The following MYO5C variants were observed in gnomAD, a reference collection of about 807,000 sequenced individuals.
MYO5C encodes the protein myosin VC.
In MYO5C, 194 loss-of-function variants were observed where a neutral mutation model predicts 235.7. That is an observed-to-expected ratio of 0.82 (90% CI 0.73 to 0.93). MYO5C has a LOEUF of 0.93. MYO5C is among the 40% of genes least tolerant of loss of function. The pLI is 0.00. For missense variants in MYO5C, 2,038 were observed against 2,127.2 expected, an observed-to-expected ratio of 0.96 and a Z score of 0.82; for synonymous variants, 707 against 754.8, an observed-to-expected ratio of 0.94 and a Z score of 1.04.
rs1348219223 is a variant in MYO5C, at chr15:52,205,759, T to C, written c.4537+57A>G. The C allele has an allele frequency of 4.3e-6, 5 of 1,156,464 alleles. No homozygotes were observed. The Admixed American group carries it at 1.2e-4, about 28-fold the overall frequency. 71.6% of individuals were successfully genotyped at this position (1,156,464 alleles called of 1,614,324 possible). A position where few individuals can be genotyped will look rare whatever the true frequency, so the allele number is the denominator to read the frequency against. ...ACACATTACACATACCAAGTTTATG[T>C]TTTAAAAAGTCTTAATGTTACTATA... On this transcript the variant is annotated intron_variant, in intron 37 of 40. Transcript: ENST00000261839.
intron 8 of MYO5C, among the ~76,000 whole-genome samples, chr15:52,267,830 G>A (rs550434136): frequency 1.3e-5 from 2 of 152,192 alleles, no homozygotes; most frequent in South Asian, 4.2e-4. Flanking sequence ...AGGTGGGAGA[G>A]AGTAGAAGGA....
rs115408928 is a variant in MYO5C, at chr15:52,209,000, A to C, written c.4297-357T>G. On this transcript the variant is annotated intron_variant, in intron 35 of 40. Coordinates refer to ENST00000261839, the MANE Select transcript of MYO5C (RefSeq NM_018728.4). ...CCATACGATGGCTGTAGACTGTGCT[A>C]CCAAAGCTCAGAGGACGAGGAGAGA... Among the ~76,000 whole-genome samples, 229 of 152,284 alleles carry C rather than the reference A, an allele frequency of 1.5e-3. 1 individual carries two copies. The highest frequency in any genetic ancestry group is 5.5e-3 in the African/African-American group (228 of 41,566).
chr15:52,292,956 G>C (rs755399974), intron 1 of MYO5C, among the ~76,000 whole-genome samples: 2 of 152,246 alleles, frequency 1.3e-5, no homozygotes, highest in Non-Finnish European at 2.9e-5. Context: ...GGTAAGAGCA[G>C]GAAGGCAGGG....
At chr15:52,214,742 T>A in intron 32 of MYO5C, 52 bp from the exon 33 acceptor site, 3 of 1,000,510 alleles carry the variant, frequency 3.0e-6, no homozygotes, top group African/African-American at 1.7e-5. Flanking sequence ...TTTAATCTAT[T>A]TTTTTTTTTT....
chr15:52,260,288 C>T lies in MYO5C; in HGVS notation c.1313+574G>A, dbSNP rs373869194. On this transcript the variant is annotated intron_variant, in intron 10 of 40. Coordinates refer to ENST00000261839, the MANE Select transcript of MYO5C (RefSeq NM_018728.4). The stretch of plus-strand genomic sequence containing the variant: ...AATCCAAGACCTTCTCACCCAAGAA[C>T]GGAAAAGGATTGGGGTAGGGGGGTG... Among the ~76,000 whole-genome samples, 7 of 152,200 alleles carry T rather than the reference C, an allele frequency of 4.6e-5. No individual in the cohort carries two copies. The East Asian group carries it at 7.7e-4, about 17-fold the overall frequency.
At position 52,196,383 on chromosome 15, in the gene MYO5C, G is replaced by C. The variant is rs1240601516; in HGVS notation, c.4921C>G (p.Leu1641Val). The C allele has an allele frequency of 6.2e-7, 1 of 1,614,212 alleles. No homozygotes were observed. Among genetic ancestry groups the C allele is most frequent in the Non-Finnish European group, 8.5e-7 (1 of 1,180,034 alleles). The change falls in exon 39 of 41, where the codon CTT (leucine) becomes GTT (valine). Residue 1641 changes from leucine to valine, a missense_variant. Transcript: ENST00000261839. ...CTGTCTGTGGTCTTCTTGACCTGAAGCAACCAGGCTGCCTGAGAGAGGGGC... is the reference window on the plus strand; with the variant it reads ...CTGTCTGTGGTCTTCTTGACCTGAACCAACCAGGCTGCCTGAGAGAGGGGC... ...LEPLSQAAWL[L>V]QVKKTTDSDA...
At chr15:52,254,621 T>C (rs1374349676) in intron 11 of MYO5C, among the ~76,000 whole-genome samples, 1 of 151,362 alleles carries the variant, frequency 6.6e-6, no homozygotes, top group Non-Finnish European at 1.5e-5. Context: ...ATCTACACAT[T>C]GATGGATGAC....
chr15:52,211,642 CA>C, intron 35 of MYO5C, 87 bp downstream of exon 35: 1 of 1,419,598 alleles, frequency 7.0e-7, no homozygotes, highest in Non-Finnish European at 9.7e-7. Context: ...GCTCACCACA[CA>C]ATGGAGGCTC....
At chr15:52,198,620 T>TA (rs2141257378) in intron 38 of MYO5C, among the ~76,000 whole-genome samples, 1 of 152,208 alleles carries the variant, frequency 6.6e-6, no homozygotes, top group East Asian at 1.9e-4. Context: ...CTCACTCTGT[T>TA]GCCCAGGCTG....
chr15:52,277,161 A>T, intron 4 of MYO5C: 1 of 528,708 alleles, frequency 1.9e-6, no homozygotes, highest in South Asian at 1.4e-5. Flanking sequence ...GGCTTTAGTA[A>T]TCCCAGCCCT....
In MYO5C at chr15:52,229,188, T is replaced by G. The variant is rs1338115056; in HGVS notation, c.3152A>C (p.His1051Pro). Residue 1051 changes from histidine to proline, a missense_variant, in exon 25 of 41, where the codon CAC becomes CCC. Transcript: ENST00000261839. ...CGCCTTCAAGCCATCAGAAGTGACG[T>G]GCTCCCCCTCCACCAGGTGTTGGAG... ...MQLQHLVEGE[H>P]VTSDGLKAEV... 3.1e-6 allele frequency: 5 copies of G among 1,614,248 alleles called. No individual in the cohort carries two copies. Among genetic ancestry groups the G allele is most frequent in the Non-Finnish European group, 8.5e-7 (1 of 1,180,042 alleles).
At chr15:52,283,141 T>G (rs2037195173) in intron 1 of MYO5C, among the ~76,000 whole-genome samples, 1 of 152,048 alleles carries the variant, frequency 6.6e-6, no homozygotes, top group Non-Finnish European at 1.5e-5. Flanking sequence ...AGCCTGTACG[T>G]GGGAAAGAAA....
intron 7 of MYO5C, among the ~76,000 whole-genome samples, chr15:52,270,117 A>T (rs2036887934): frequency 6.6e-6 from 1 of 152,144 alleles, no homozygotes; most frequent in African/African-American, 2.4e-5. Context: ...GGGCAAAACC[A>T]AATCTCTATA....
chr15:52,251,157 C>T, intron 13 of MYO5C: 1 of 327,530 alleles, frequency 3.1e-6, no homozygotes, highest in East Asian at 4.7e-5. Context: ...AACTTCAGTA[C>T]ATCCAAAATC....
chr15:52,256,609 A>G, intron 11 of MYO5C, 30 bp downstream of exon 11: 1 of 929,650 alleles, frequency 1.1e-6, no homozygotes, highest in East Asian at 4.0e-5. Context: ...GCGGCTGAGA[A>G]CTAGTCAAGA....
Position 52,264,180 on chromosome 15 carries a change from A to G in MYO5C, c.1047+10T>C. ...AGACAAAGGAAAAGTAAAACAAATGAGCATCTCACACTAACTGAGGACCTC... is the reference window on the plus strand; with the variant it reads ...AGACAAAGGAAAAGTAAAACAAATGGGCATCTCACACTAACTGAGGACCTC... On this transcript the variant is annotated intron_variant, in intron 9 of 40. Transcript: ENST00000261839. The G allele has an allele frequency of 6.3e-7, 1 of 1,589,268 alleles. No homozygotes were observed. Among genetic ancestry groups the G allele is most frequent in the Non-Finnish European group, 8.6e-7 (1 of 1,158,644 alleles).
In MYO5C at chr15:52,237,570, T is replaced by G. The variant is rs1310122953; in HGVS notation, c.2780A>C (p.Gln927Pro). Residue 927 changes from glutamine to proline, a missense_variant, in exon 22 of 41, where the codon CAG becomes CCG. Coordinates refer to ENST00000261839, the MANE Select transcript of MYO5C (RefSeq NM_018728.4). ...TTTTTCTAGTTCTGCTTCCAGCTTC[T>G]GAATCTTTTCCACATCCCCAGCTCG... ...ALRAGDVEKIQKLEAELEKAA... is the reference protein window; with the variant it reads ...ALRAGDVEKIPKLEAELEKAA... 3 of 1,614,202 alleles carry G rather than the reference T, an allele frequency of 1.9e-6. No individual in the cohort carries two copies. The highest frequency in any genetic ancestry group is 1.6e-4 in the Middle Eastern group (1 of 6,062).
intron 1 of MYO5C, among the ~76,000 whole-genome samples, chr15:52,292,797 C>T (rs1251364742): frequency 6.6e-6 from 1 of 152,226 alleles, no homozygotes; most frequent in Non-Finnish European, 1.5e-5. Flanking sequence ...AGAGGTCCTG[C>T]TCAAATTGAA....
chr15:52,247,296 G>A (rs1375755185), intron 15 of MYO5C, among the ~76,000 whole-genome samples, 162 bp downstream of exon 15: 5 of 152,200 alleles, frequency 3.3e-5, no homozygotes, highest in African/African-American at 1.2e-4. Context: ...GGAGGTGGAA[G>A]TATGACGACG....
Sources: allele counts gnomAD v4.1 joint callset (sites outside exome capture counted in the v4.1 genomes callset), GRCh38; gene constraint gnomAD v4.1.1; transcripts MANE v1.5; gene names NCBI Gene and HGNC (gene_info 2026-07-23, HGNC 2026-07-21).